PAK5: variants seen among roughly 807,000 people sequenced by gnomAD.
PAK5 encodes p21 (RAC1) activated kinase 5, also known as serine/threonine-protein kinase PAK 5.
Under a neutral mutation model 65.9 loss-of-function variants are expected in PAK5, and 16 were observed. That is an observed-to-expected ratio of 0.24 (90% confidence interval 0.16 to 0.37). The LOEUF (loss-of-function observed/expected upper bound fraction) is 0.37. PAK5 is among the 10% of genes least tolerant of loss of function. The pLI is 1.00. For missense variants in PAK5, 785 were observed against 903.9 expected, an observed-to-expected ratio of 0.87 and a Z score of 1.69; for synonymous variants, 371 against 354.9, an observed-to-expected ratio of 1.05 and a Z score of -0.51.
intron 1 of PAK5, among the ~76,000 whole-genome samples, chr20:9,756,760 CT>C (rs2048638830): frequency 1.3e-5 from 2 of 152,038 alleles, no homozygotes; most frequent in Admixed American, 6.6e-5. Context: ...TCACATTAAA[CT>C]TTTTTGGACA....
intron 6 of PAK5, among the ~76,000 whole-genome samples, chr20:9,558,039 T>C (rs148112069): frequency 0.011 from 815 of 76,688 alleles, 6 homozygotes; most frequent in African/African-American, 0.015. Flanking sequence ...TTTATTTATT[T>C]ATTTATTCAT....
At chr20:9,722,011 A>G (rs1416183855) in intron 1 of PAK5, among the ~76,000 whole-genome samples, 2 of 152,194 alleles carry the variant, frequency 1.3e-5, no homozygotes, top group Non-Finnish European at 2.9e-5. Flanking sequence ...ATTCAAATAT[A>G]CTTTATAATA....
At chr20:9,579,201 G>A (rs2045937239) in intron 4 of PAK5, among the ~76,000 whole-genome samples, 1 of 152,172 alleles carries the variant, frequency 6.6e-6, no homozygotes, top group East Asian at 1.9e-4. Flanking sequence ...GTACATGACT[G>A]CCCTGTGAGA....
At chr20:9,831,866 C>T (rs998305654) in intron 1 of PAK5, among the ~76,000 whole-genome samples, 1 of 152,136 alleles carries the variant, frequency 6.6e-6, no homozygotes, top group Non-Finnish European at 1.5e-5. Flanking sequence ...CATATTTCCA[C>T]CACCCAGAGA....
chr20:9,648,112 A>G (rs1600194085), intron 2 of PAK5, among the ~76,000 whole-genome samples: 1 of 152,234 alleles, frequency 6.6e-6, no homozygotes, highest in East Asian at 1.9e-4. Context: ...CCCAAAGACC[A>G]CCCCCAGGCT....
At chr20:9,800,420 C>T (rs971543135) in intron 1 of PAK5, among the ~76,000 whole-genome samples, 25 of 152,044 alleles carry the variant, frequency 1.6e-4, no homozygotes, top group African/African-American at 6.0e-4. Flanking sequence ...AATTTATGAC[C>T]ATTTATTGTG....
At chr20:9,778,242 T>G (rs1220861096) in intron 1 of PAK5, among the ~76,000 whole-genome samples, 1 of 152,130 alleles carries the variant, frequency 6.6e-6, no homozygotes, top group Non-Finnish European at 1.5e-5. Context: ...GGTTTTTATG[T>G]TGTTGTTGTT....
chr20:9,641,192 GA>G (rs1196016993), intron 3 of PAK5, among the ~76,000 whole-genome samples: 1 of 151,970 alleles, frequency 6.6e-6, no homozygotes, highest in Admixed American at 6.5e-5. Flanking sequence ...AGAGCAGCTA[GA>G]TACAGAGTGT....
chr20:9,784,343 A>G (rs1017048195), intron 1 of PAK5: 2 of 152,194 alleles, frequency 1.3e-5, no homozygotes, highest in African/African-American at 4.8e-5. Context: ...GAATAAATTC[A>G]GCTTAAGATA....
intron 1 of PAK5, among the ~76,000 whole-genome samples, chr20:9,737,333 A>C (rs561273759): frequency 6.6e-6 from 1 of 152,324 alleles, no homozygotes; most frequent in East Asian, 1.9e-4. Context: ...GAACTAACCA[A>C]AAGAAAGTTG....
At chr20:9,739,418 T>G (rs2048426841) in intron 1 of PAK5, among the ~76,000 whole-genome samples, 1 of 152,120 alleles carries the variant, frequency 6.6e-6, no homozygotes, top group African/African-American at 2.4e-5. Context: ...GTTTGTGAAA[T>G]ATATTACTAT....
chr20:9,628,365 T>A (rs2046876613), intron 3 of PAK5, among the ~76,000 whole-genome samples: 1 of 152,212 alleles, frequency 6.6e-6, no homozygotes, highest in South Asian at 2.1e-4. Flanking sequence ...AGCAATACAT[T>A]GTCACTGCCT....
chr20:9,706,503 G>A (rs149452793), intron 2 of PAK5, among the ~76,000 whole-genome samples: 48 of 146,706 alleles, frequency 3.3e-4, no homozygotes, highest in African/African-American at 1.2e-3. Context: ...TTAAGACAGG[G>A]TGTGTTGCTC....
At chr20:9,557,461 C>G in intron 7 of PAK5, 147 bp downstream of exon 7, 1 of 587,626 alleles carries the variant, frequency 1.7e-6, no homozygotes, top group East Asian at 3.1e-5. Flanking sequence ...ATGGTAATTT[C>G]TTTTTTGTAA....
At chr20:9,736,056 C>T (rs752567392) in intron 1 of PAK5, among the ~76,000 whole-genome samples, 9 of 151,864 alleles carry the variant, frequency 5.9e-5, no homozygotes, top group Non-Finnish European at 1.2e-4. Context: ...CATGCACCCT[C>T]ACCCCCAGCT....
intron 2 of PAK5, among the ~76,000 whole-genome samples, chr20:9,689,540 G>A (rs973913301): frequency 2.6e-5 from 4 of 152,010 alleles, no homozygotes; most frequent in Non-Finnish European, 4.4e-5. Context: ...ATAATTACTC[G>A]TTTCCCTGGC....
At chr20:9,571,856 A>G (rs13043413) in intron 4 of PAK5, among the ~76,000 whole-genome samples, 24,357 of 118,776 alleles carry the variant, frequency 0.21, 2,649 homozygotes, top group African/African-American at 0.33. Flanking sequence ...AAAAATTCAC[A>G]GAGATAGGCA....
intron 8 of PAK5, among the ~76,000 whole-genome samples, 184 bp from the exon 9 acceptor site, chr20:9,542,904 T>C (rs901637441): frequency 1.3e-5 from 2 of 152,250 alleles, no homozygotes; most frequent in African/African-American, 4.8e-5. Flanking sequence ...CTTTGCCTTT[T>C]ATGGACAACT....
chr20:9,763,176 G>T (rs1159966302), intron 1 of PAK5, among the ~76,000 whole-genome samples: 2 of 152,048 alleles, frequency 1.3e-5, no homozygotes, highest in East Asian at 1.9e-4. Flanking sequence ...AGATAAATAG[G>T]TTCTGTAGAT....
Sources: gnomAD v4.1 joint callset for allele counts (sites outside exome capture counted in the v4.1 genomes callset) on GRCh38, gnomAD v4.1.1 for gene constraint, MANE v1.5 for transcripts, NCBI Gene and HGNC (gene_info 2026-07-23, HGNC 2026-07-21) for gene names.